Variants in ACER3 observed in about 807,000 individuals in gnomAD.
ACER3 encodes the protein alkCDase 3.
In ACER3, 16 loss-of-function variants were observed where a neutral mutation model predicts 48.9. The ratio of observed to expected loss-of-function variants is 0.33; its 90% CI spans 0.22 to 0.50. The LOEUF is 0.50. ACER3 is among the 20% of genes least tolerant of loss of function. The pLI, the probability that ACER3 is intolerant of heterozygous loss-of-function variation, is 0.98. For synonymous variants in ACER3, 109 were observed against 107.8 expected, an observed-to-expected ratio of 1.01 and a Z score of -0.07; for missense variants, 227 against 326.0, an observed-to-expected ratio of 0.70 and a Z score of 2.34.
At chr11:76,861,132 G>A in intron 1 of ACER3, 53 bp downstream of exon 1, 5 of 1,487,854 alleles carry the variant, frequency 3.4e-6, no homozygotes, top group Non-Finnish European at 4.5e-6. Flanking sequence ...GGGCTGAGGA[G>A]ACGCCGTGTG....
intron 3 of ACER3, among the ~76,000 whole-genome samples, chr11:76,968,445 T>TA (rs1202041839): frequency 6.6e-6 from 1 of 152,184 alleles, no homozygotes; most frequent in Admixed American, 6.5e-5. Flanking sequence ...AAAATTACTT[T>TA]AAAGTCCACA....
chr11:76,909,540 T>G lies in ACER3; in HGVS notation c.104-17017T>G, dbSNP rs187802338. ...AAAAAAGCTAATCATCACCGGTCAT[T>G]AGAGAAATGCAAATCAAAACCACAA... On this transcript the variant is annotated intron_variant, in intron 1 of 10. Transcript: ENST00000532485. Among the ~76,000 whole-genome samples, 289 of 152,254 alleles carry G rather than the reference T, an allele frequency of 1.9e-3. 1 individual carries two copies. The highest frequency in any genetic ancestry group is 6.7e-3 in the African/African-American group (277 of 41,526).
chr11:77,018,016 G>A (rs1949404324), intron 9 of ACER3, among the ~76,000 whole-genome samples: 1 of 130,358 alleles, frequency 7.7e-6, no homozygotes, highest in Non-Finnish European at 1.5e-5. Context: ...TTGGCTCACT[G>A]CAACCTCCAT....
intron 6 of ACER3, among the ~76,000 whole-genome samples, chr11:76,995,910 T>A (rs76856077): frequency 6.6e-6 from 1 of 152,190 alleles, no homozygotes; most frequent in South Asian, 2.1e-4. Flanking sequence ...CAGTTCTGTT[T>A]CTTCAGCTGT....
At chr11:76,977,745 G>T (rs1948480101) in intron 4 of ACER3, among the ~76,000 whole-genome samples, 1 of 152,196 alleles carries the variant, frequency 6.6e-6, no homozygotes, top group South Asian at 2.1e-4. Context: ...TACTGAGTTG[G>T]TGGGGCAGGA....
chr11:76,988,632 A>G (rs1014752189), intron 5 of ACER3, among the ~76,000 whole-genome samples: 2 of 152,180 alleles, frequency 1.3e-5, no homozygotes, highest in African/African-American at 4.8e-5. Context: ...TCCCCAACAC[A>G]TAGGGATTAC....
At chr11:77,004,001 A>G (rs7121920) in intron 7 of ACER3, among the ~76,000 whole-genome samples, 108,074 of 152,082 alleles carry the variant, frequency 0.71, 38,811 homozygotes, top group Non-Finnish European at 0.77. Context: ...CTTGGCATAT[A>G]TTCCATGTTT....
intron 2 of ACER3, among the ~76,000 whole-genome samples, chr11:76,934,351 G>A (rs955617540): frequency 1.3e-5 from 2 of 152,226 alleles, no homozygotes; most frequent in Non-Finnish European, 2.9e-5. Context: ...GGGAGGTGGA[G>A]GTTGTAGCCA....
chr11:76,918,062 T>C (rs1008962076), intron 1 of ACER3, among the ~76,000 whole-genome samples: 1 of 152,176 alleles, frequency 6.6e-6, no homozygotes, highest in Admixed American at 6.5e-5. Flanking sequence ...TCTCTTTTGC[T>C]AGTTGTTTAC....
intron 2 of ACER3, among the ~76,000 whole-genome samples, chr11:76,933,120 A>C (rs906670860): frequency 4.7e-5 from 7 of 149,452 alleles, no homozygotes; most frequent in Non-Finnish European, 1.0e-4. Flanking sequence ...AAAGAATTAC[A>C]AAACACATCA....
chr11:76,877,439 C>G (rs566843625), intron 1 of ACER3, among the ~76,000 whole-genome samples: 8 of 152,240 alleles, frequency 5.3e-5, no homozygotes, highest in African/African-American at 1.9e-4. Flanking sequence ...AGGAGAGATT[C>G]TAGATAAGAT....
In ACER3 at chr11:77,025,392, T is replaced by TTATATATATATATA. The variant is rs149589077; in HGVS notation, c.*5071_*5084dup. On this transcript the variant is annotated 3_prime_UTR_variant, in exon 11 of 11. Coordinates refer to ENST00000532485, the MANE Select transcript of ACER3 (RefSeq NM_018367.7). ...TGGTTATTTTATTTTATTTTATTCT[T>TTATATATATATATA]TATATATATATATATATATTTATTT... The TTATATATATATATA allele has an allele frequency of 6.8e-4, 92 of 135,824 alleles. 2 individuals carry two copies. Among genetic ancestry groups the TTATATATATATATA allele is most frequent in the African/African-American group, 1.9e-3 (60 of 32,286 alleles). 8.4% of individuals were successfully genotyped at this position (135,824 alleles called of 1,614,324 possible).
chr11:76,955,976 G>C, intron 2 of ACER3, among the ~76,000 whole-genome samples: 1 of 152,174 alleles, frequency 6.6e-6, no homozygotes, highest in Non-Finnish European at 1.5e-5. Flanking sequence ...ATTCCACTTA[G>C]ATGTAATGTC....
At chr11:76,874,613 T>C (rs1039333226) in intron 1 of ACER3, among the ~76,000 whole-genome samples, 4 of 152,194 alleles carry the variant, frequency 2.6e-5, no homozygotes, top group Non-Finnish European at 5.9e-5. Context: ...CTCAATAACA[T>C]GAATGGCCTC....
chr11:76,961,718 G>A (rs765182083), intron 3 of ACER3, among the ~76,000 whole-genome samples: 14 of 150,062 alleles, frequency 9.3e-5, no homozygotes, highest in East Asian at 2.0e-4. Flanking sequence ...ATGGTAATGG[G>A]TTATAATAGT....
chr11:76,999,908 G>T (rs1179085927), intron 7 of ACER3, among the ~76,000 whole-genome samples: 10 of 152,110 alleles, frequency 6.6e-5, no homozygotes, highest in African/African-American at 2.4e-4. Context: ...GAATAAAGCT[G>T]CTATGAACAA....
Position 76,995,243 on chromosome 11 carries a change from C to A in ACER3, c.439-3520C>A, listed in dbSNP as rs182158525. Among the ~76,000 whole-genome samples the A allele has an allele frequency of 4.7e-3, 717 of 152,252 alleles. 12 individuals carry two copies. Among genetic ancestry groups the A allele is most frequent in the Non-Finnish European group, 1.2e-3 (85 of 68,016 alleles). On this transcript the variant is annotated intron_variant, in intron 6 of 10. Transcript: ENST00000532485. ...GTCTTGCTTTATATTTCAAACACAA[C>A]AAGCATGTTTCTACTTTAGGACTTT...
chr11:76,959,205 G>A, intron 3 of ACER3, 174 bp downstream of exon 3: 2 of 1,491,828 alleles, frequency 1.3e-6, no homozygotes, highest in Non-Finnish European at 1.8e-6. Context: ...AAGCAGGTGA[G>A]TCCATAAGGA....
chr11:76,895,990 A>G (rs1041899871), intron 1 of ACER3, among the ~76,000 whole-genome samples: 4 of 152,126 alleles, frequency 2.6e-5, no homozygotes, highest in African/African-American at 9.7e-5. Context: ...TTTCCTCTTT[A>G]TATTTCCAGT....
Sources: gnomAD v4.1 joint callset for allele counts (sites outside exome capture counted in the v4.1 genomes callset) on GRCh38, gnomAD v4.1.1 for gene constraint, MANE v1.5 for transcripts, NCBI Gene and HGNC (gene_info 2026-07-23, HGNC 2026-07-21) for gene names.